IFT140: variants seen among roughly 807,000 people sequenced by gnomAD.
The protein encoded by IFT140 is intraflagellar transport protein 140 homolog.
In IFT140, 133 loss-of-function variants were observed where a neutral mutation model predicts 164.6. The observed-to-expected ratio is 0.81, with a 90% confidence interval of 0.70 to 0.93. The LOEUF (loss-of-function observed/expected upper bound fraction) is 0.93, where lower values mean the gene tolerates loss of function less well. IFT140 is among the 40% of genes least tolerant of loss of function. IFT140 has a pLI of 0.00. For synonymous variants in IFT140, 860 were observed against 817.3 expected (o/e 1.05, Z -0.89); for missense variants, 2,045 against 1,972.3 (o/e 1.04, Z -0.70).
Position 1,524,632 on chromosome 16 carries a change from C to T in IFT140, c.3061G>A (p.Glu1021Lys), listed in dbSNP as rs576458824. The T allele has an allele frequency of 1.5e-5, 24 of 1,600,242 alleles. No individual in the cohort carries two copies. The highest frequency in any genetic ancestry group is 3.3e-5 in the South Asian group (3 of 90,206). Residue 1021 changes from glutamate to lysine, a missense_variant, in exon 24 of 31, where the codon GAG (glutamate) becomes AAG (lysine). Transcript: ENST00000426508. ...GCCTGCCCGACCTCCTCCTGGCTCT[C>T]GTACTGGCGGGCGAGGTGGTAGGAG... is the stretch of plus-strand genomic sequence containing the variant. Reference protein sequence around the residue: ...AASYHLARQYESQEEVGQAVH... With the variant: ...AASYHLARQYKSQEEVGQAVH...
Position 1,568,340 on chromosome 16 carries a change from G to A in IFT140, c.1653-6C>T. ...TACAGTGTGCTTTGGCCTCTCTGCAGGGAGGAAGAGGGACCTCAGTGCCCG... is the reference window on the plus strand; with the variant it reads ...TACAGTGTGCTTTGGCCTCTCTGCAAGGAGGAAGAGGGACCTCAGTGCCCG... On this transcript the variant is annotated splice_polypyrimidine_tract_variant and splice_region_variant and intron_variant, in intron 14 of 30. Coordinates refer to ENST00000426508, the MANE Select transcript of IFT140 (RefSeq NM_014714.4). 6.2e-7 allele frequency: 1 copy of A among 1,608,604 alleles called. No individual in the cohort carries two copies. Among genetic ancestry groups the A allele is most frequent in the South Asian group, 1.1e-5 (1 of 90,998 alleles).
intron 4 of IFT140, among the ~76,000 whole-genome samples, chr16:1,602,001 C>A (rs150715916): frequency 1.3e-5 from 2 of 152,244 alleles, no homozygotes; most frequent in African/African-American, 2.4e-5. Context: ...TGAATCCTCC[C>A]CCAAAATTGT....
At chr16:1,537,767 G>A (rs1000032230) in intron 19 of IFT140, among the ~76,000 whole-genome samples, 1 of 152,214 alleles carries the variant, frequency 6.6e-6, no homozygotes, top group Non-Finnish European at 1.5e-5. Context: ...GGGAACAGAT[G>A]ACCGTGTGAT....
At chr16:1,520,887 GAGGAAACC>G in intron 26 of IFT140, 79 bp from the exon 27 acceptor site, 1 of 1,354,890 alleles carries the variant, frequency 7.4e-7, no homozygotes, top group South Asian at 1.3e-5. Flanking sequence ...CACCGCTTCA[GAGGAAACC>G]AGGCCCCTCG....
At chr16:1,593,428 C>G (rs1030223735) in intron 4 of IFT140, among the ~76,000 whole-genome samples, 1 of 151,972 alleles carries the variant, frequency 6.6e-6, no homozygotes. Context: ...TCTCCTGCCT[C>G]AGCCTCCTGA....
chr16:1,602,366 T>C lies in IFT140; in HGVS notation c.369+4A>G, dbSNP rs752104483. ...AAAACAGCGTCTTGCGCGTGTTGACTCACCCTGTCCCCAGACAGCAGGCAG... is the reference window on the plus strand; with the variant it reads ...AAAACAGCGTCTTGCGCGTGTTGACCCACCCTGTCCCCAGACAGCAGGCAG... On this transcript the variant is annotated splice_donor_region_variant and intron_variant, in intron 4 of 30. Transcript: ENST00000426508. 4 of 1,613,576 alleles carry C rather than the reference T, an allele frequency of 2.5e-6. No homozygotes were observed. Among genetic ancestry groups the C allele is most frequent in the Non-Finnish European group, 3.4e-6 (4 of 1,179,502 alleles).
At chr16:1,571,217 C>T (rs1270136318) in intron 14 of IFT140, among the ~76,000 whole-genome samples, 190 bp downstream of exon 14, 2 of 152,230 alleles carry the variant, frequency 1.3e-5, no homozygotes, top group African/African-American at 4.8e-5. Flanking sequence ...CTCTCCCCGA[C>T]ACGGCTCCAC....
At chr16:1,597,423 G>A (rs1184304120) in intron 4 of IFT140, among the ~76,000 whole-genome samples, 1 of 152,176 alleles carries the variant, frequency 6.6e-6, no homozygotes, top group African/African-American at 2.4e-5. Flanking sequence ...GTCCTAACCT[G>A]GCCGTGCTCT....
chr16:1,524,816 G>A lies in IFT140; in HGVS notation c.2965C>T (p.Arg989Cys), dbSNP rs147756729. ...ACATTGCCCTGGAAGCAGTGGATGC[G>A]GACCAGGGAGAAGTGGTCCCGGGCC... ...ELARDHFSLVRIHCFQGNVQK... is the reference protein window; with the variant it reads ...ELARDHFSLVCIHCFQGNVQK... The change falls in exon 23 of 31, where the codon CGC (arginine) becomes TGC (cysteine). Residue 989 changes from arginine to cysteine, a missense_variant. Coordinates refer to ENST00000426508, the MANE Select transcript of IFT140 (RefSeq NM_014714.4). 49 of 1,611,842 alleles carry A rather than the reference G, an allele frequency of 3.0e-5. No homozygotes were observed. The highest frequency in any genetic ancestry group is 8.3e-5 in the Admixed American group (5 of 59,966).
At chr16:1,579,730 G>A (rs1408294336) in intron 13 of IFT140, among the ~76,000 whole-genome samples, 1 of 152,124 alleles carries the variant, frequency 6.6e-6, no homozygotes, top group Non-Finnish European at 1.5e-5. Flanking sequence ...ACTTTGGGAG[G>A]CCAAGGTAGG....
rs544741848 is a variant in IFT140 at position 1,527,455 on chromosome 16, A to G, written c.2400-659T>C. ...CACGGGGGACAGCACCTTCCACCCCAGCCCTGTGCCCCACTCTCGGGCAGT... is the reference window on the plus strand; with the variant it reads ...CACGGGGGACAGCACCTTCCACCCCGGCCCTGTGCCCCACTCTCGGGCAGT... On this transcript the variant is annotated intron_variant, in intron 19 of 30. Coordinates refer to ENST00000426508, the MANE Select transcript of IFT140 (RefSeq NM_014714.4). 5.3e-5 allele frequency among the ~76,000 whole-genome samples: 8 copies of G among 152,338 alleles called. No homozygotes were observed. The South Asian group carries it at 1.7e-3, about 32-fold the overall frequency.
chr16:1,526,817 G>A, intron 19 of IFT140, 21 bp from the exon 20 acceptor site: 1 of 1,599,242 alleles, frequency 6.3e-7, no homozygotes. Context: ...ACGGGGGTCT[G>A]TGAGGCTCCT....
At chr16:1,554,050 G>C in intron 19 of IFT140, 1 of 1,287,234 alleles carries the variant, frequency 7.8e-7, no homozygotes, top group South Asian at 1.2e-5. Flanking sequence ...TCTGGAAAGA[G>C]AGGGGAAAGC....
At position 1,553,320 on chromosome 16, in the gene IFT140, C is replaced by T. The variant is rs2032831085; in HGVS notation, c.2399+4615G>A. 1 of 985,220 alleles carries T rather than the reference C, an allele frequency of 1.0e-6. No individual in the cohort carries two copies. The highest frequency in any genetic ancestry group is 1.2e-6 in the Non-Finnish European group (1 of 829,798). The allele number at this position is 985,220 out of a possible 1,614,324, so 61.0% of individuals were successfully genotyped here. A position where few individuals can be genotyped will look rare whatever the true frequency, so the allele number is the denominator to read the frequency against. On this transcript the variant is annotated intron_variant, in intron 19 of 30. Coordinates refer to ENST00000426508, the MANE Select transcript of IFT140 (RefSeq NM_014714.4). This position sits in a 1 kb window ranked among gnomAD's most constrained non-coding sequence, Gnocchi z 4.4. ...TCTCTCTGTGTCTCTGTCTCTGTGTCTCTGTCCCTGTGTCTCTTTTTCTCC... is the reference window on the plus strand; with the variant it reads ...TCTCTCTGTGTCTCTGTCTCTGTGTTTCTGTCCCTGTGTCTCTTTTTCTCC...
intron 10 of IFT140, among the ~76,000 whole-genome samples, chr16:1,585,459 C>T (rs1034740595): frequency 4.6e-5 from 7 of 152,086 alleles, no homozygotes; most frequent in South Asian, 2.1e-4. Context: ...TTTTTTGTGG[C>T]GCTGAAACTG....
At chr16:1,558,254 A>T in intron 18 of IFT140, 120 bp from the exon 19 acceptor site, 1 of 972,884 alleles carries the variant, frequency 1.0e-6, no homozygotes, top group South Asian at 1.5e-5. Flanking sequence ...AGACAGACAG[A>T]TATTTACCAA....
intron 13 of IFT140, among the ~76,000 whole-genome samples, chr16:1,573,499 C>A (rs536417927): frequency 6.6e-6 from 1 of 152,198 alleles, no homozygotes; most frequent in East Asian, 1.9e-4. Context: ...CTCTTAGACA[C>A]CCCTAAGGGC....
chr16:1,529,009 G>A (rs540277803), intron 19 of IFT140, among the ~76,000 whole-genome samples: 2 of 152,272 alleles, frequency 1.3e-5, no homozygotes, highest in South Asian at 4.1e-4. Flanking sequence ...GGCAGGCTCG[G>A]TGCACTTGTG....
intron 25 of IFT140, 63 bp from the exon 26 acceptor site, chr16:1,523,763 G>A (rs1177305255): frequency 5.6e-6 from 9 of 1,605,392 alleles, no homozygotes; most frequent in Middle Eastern, 1.7e-4. Context: ...CGGAGGCCTC[G>A]CACAGGCAAG....
Sources: allele counts gnomAD v4.1 joint callset (sites outside exome capture counted in the v4.1 genomes callset), GRCh38; gene constraint gnomAD v4.1.1; non-coding constraint Gnocchi (gnomAD v3.1); transcripts MANE v1.5; gene names NCBI Gene and HGNC (gene_info 2026-07-23, HGNC 2026-07-21).